Variants in ATP6V1H observed in about 807,000 individuals in gnomAD.
ATP6V1H encodes the protein V-type proton ATPase subunit H.
ATP6V1H carries 39 observed loss-of-function variants against 71.7 expected under a neutral mutation model. The observed-to-expected ratio is 0.54, with a 90% CI of 0.42 to 0.71. The LOEUF (loss-of-function observed/expected upper bound fraction) is 0.71, where lower values mean the gene tolerates loss of function less well. ATP6V1H is among the 30% of genes least tolerant of loss of function. The probability of loss-of-function intolerance (pLI) is 0.00; values close to 1 mark genes in which losing one functional copy is unlikely to be tolerated. For missense variants in ATP6V1H, 509 were observed against 594.9 expected, an observed-to-expected ratio of 0.86 and a Z score of 1.50; for synonymous variants, 192 against 199.3, an observed-to-expected ratio of 0.96 and a Z score of 0.31.
Position 53,755,501 on chromosome 8 carries a change from C to T in ATP6V1H, c.1277+1054G>A, listed in dbSNP as rs534830320. Among the ~76,000 whole-genome samples, 20 of 40,290 alleles carry T rather than the reference C, an allele frequency of 5.0e-4. No homozygotes were observed. In the East Asian group the frequency reaches 0.011, roughly 23 times the overall value. The allele number at this position is 40,290 out of a possible 152,430, so 26.4% of individuals were successfully genotyped here. A position where few individuals can be genotyped will look rare whatever the true frequency, so the allele number is the denominator to read the frequency against. ...AGCCCTTTCCCTTATGATTAGGTTA[C>T]GGGGGGTGGGGGTGGGAGTGGCGAT... On this transcript the variant is annotated intron_variant, in intron 12 of 13. Coordinates refer to ENST00000359530, the MANE Select transcript of ATP6V1H (RefSeq NM_015941.4).
chr8:53,810,722 A>G (rs115000460), intron 7 of ATP6V1H, among the ~76,000 whole-genome samples: 2,859 of 152,330 alleles, frequency 0.019, 73 homozygotes, highest in African/African-American at 0.064. Flanking sequence ...CCTGGGGGAT[A>G]GAGCTAGACT....
intron 12 of ATP6V1H, among the ~76,000 whole-genome samples, chr8:53,744,518 A>T (rs1236489738): frequency 6.6e-6 from 1 of 152,222 alleles, no homozygotes; most frequent in Non-Finnish European, 1.5e-5. Context: ...TGTCTAGTGG[A>T]GGATACCTAC....
At chr8:53,741,865 T>A (rs1807424185) in intron 13 of ATP6V1H, among the ~76,000 whole-genome samples, 3 of 152,114 alleles carry the variant, frequency 2.0e-5, no homozygotes, top group Admixed American at 6.5e-5. Context: ...TCCATCTACT[T>A]CTTATCTCAA....
intron 11 of ATP6V1H, among the ~76,000 whole-genome samples, chr8:53,768,093 G>A (rs1905061): frequency 0.16 from 24,763 of 151,996 alleles, 3,389 homozygotes; most frequent in East Asian, 0.37. Context: ...TAAGTAATAA[G>A]AAGACAATCC....
intron 2 of ATP6V1H, among the ~76,000 whole-genome samples, chr8:53,840,480 A>G (rs564746602): frequency 5.3e-5 from 8 of 151,018 alleles, no homozygotes; most frequent in African/African-American, 1.5e-4. Context: ...CCTGGGCAAC[A>G]GAGTGAGACT....
At chr8:53,751,285 T>A (rs945732179) in intron 12 of ATP6V1H, among the ~76,000 whole-genome samples, 1 of 152,230 alleles carries the variant, frequency 6.6e-6, no homozygotes, top group Non-Finnish European at 1.5e-5. Flanking sequence ...TTCTAACTCT[T>A]GCATGATCTG....
chr8:53,756,442 C>T (rs1026670883), intron 12 of ATP6V1H, 113 bp downstream of exon 12: 1 of 727,614 alleles, frequency 1.4e-6, no homozygotes, highest in Non-Finnish European at 2.2e-6. Flanking sequence ...ATCTTGATTT[C>T]ATTTGCTTTG....
rs1352652005 is a variant in ATP6V1H, at chr8:53,832,985, T to C, written c.215A>G (p.Gln72Arg). Residue 72 changes from glutamine (Q) to arginine (R), a missense_variant and splice_region_variant, in exon 3 of 14, where the codon CAG becomes CGG. Gln to Arg is a conservative substitution (Grantham distance 43). Transcript: ENST00000359530. ...CATTATATAATGTTTATTCATCACC[T>C]GGCTGCCTTCAGTTTGAAGCATCTC... is the stretch of plus-strand genomic sequence containing the variant. ...KQEMLQTEGS[Q>R]CAKTFINLMT... 1 of 1,608,104 alleles carries C rather than the reference T, an allele frequency of 6.2e-7. No individual in the cohort carries two copies. Among genetic ancestry groups the C allele is most frequent in the East Asian group, 2.2e-5 (1 of 44,820 alleles).
intron 7 of ATP6V1H, among the ~76,000 whole-genome samples, chr8:53,809,205 A>G (rs1246853216): frequency 1.3e-5 from 2 of 152,206 alleles, no homozygotes; most frequent in African/African-American, 4.8e-5. Context: ...GCGGCTAATG[A>G]TATGACCTAC....
intron 9 of ATP6V1H, among the ~76,000 whole-genome samples, chr8:53,782,831 T>C (rs1245106406): frequency 3.9e-5 from 6 of 152,278 alleles, no homozygotes; most frequent in Admixed American, 3.9e-4. Flanking sequence ...TCTGTTTATA[T>C]GCTAGATTAC....
chr8:53,775,018 C>T (rs1343871222), intron 9 of ATP6V1H, among the ~76,000 whole-genome samples: 3 of 152,216 alleles, frequency 2.0e-5, no homozygotes, highest in Non-Finnish European at 4.4e-5. Flanking sequence ...AATGAAGCCG[C>T]GGACCCTCGC....
chr8:53,755,735 T>C (rs1410325960), intron 12 of ATP6V1H, among the ~76,000 whole-genome samples: 1 of 4,418 alleles, frequency 2.3e-4, no homozygotes, highest in African/African-American at 1.4e-3. Flanking sequence ...TATATATATA[T>C]ATATATATAT....
intron 13 of ATP6V1H, among the ~76,000 whole-genome samples, chr8:53,737,733 A>C (rs1186067109): frequency 6.6e-6 from 1 of 152,248 alleles, no homozygotes; most frequent in African/African-American, 2.4e-5. Flanking sequence ...CATCTAATTC[A>C]TCTAAGAGGA....
chr8:53,742,765 T>C (rs920933647), intron 13 of ATP6V1H, among the ~76,000 whole-genome samples: 1 of 152,246 alleles, frequency 6.6e-6, no homozygotes, highest in African/African-American at 2.4e-5. Context: ...CTCATGCTAG[T>C]GCATCACTAA....
chr8:53,804,565 T>C (rs1810017827), intron 7 of ATP6V1H, among the ~76,000 whole-genome samples: 1 of 152,100 alleles, frequency 6.6e-6, no homozygotes, highest in Non-Finnish European at 1.5e-5. Context: ...TCTCAGTTAC[T>C]CAGGAGGGTC....
At chr8:53,774,272 CACAG>C (rs1432941426) in intron 9 of ATP6V1H, among the ~76,000 whole-genome samples, 2 of 152,158 alleles carry the variant, frequency 1.3e-5, no homozygotes, top group African/African-American at 4.8e-5. Context: ...GTTTATAATT[CACAG>C]ACAAACACAC....
At chr8:53,798,610 AACAC>A (rs59831761) in intron 8 of ATP6V1H, among the ~76,000 whole-genome samples, 166 of 148,540 alleles carry the variant, frequency 1.1e-3, no homozygotes, top group African/African-American at 3.1e-3. Context: ...CAATGTGAGA[AACAC>A]ACACACACAC....
chr8:53,820,558 T>A (rs867442229), intron 4 of ATP6V1H, among the ~76,000 whole-genome samples: 2 of 151,328 alleles, frequency 1.3e-5, no homozygotes, highest in Non-Finnish European at 2.9e-5. Flanking sequence ...TTCCAGCTAC[T>A]CAAGATGCTG....
intron 8 of ATP6V1H, 38 bp downstream of exon 8, chr8:53,801,761 G>T: frequency 6.7e-7 from 1 of 1,499,506 alleles, no homozygotes; most frequent in Non-Finnish European, 9.2e-7. Context: ...AGAGATGCTT[G>T]TAAATGTTAT....
Sources: gnomAD v4.1 joint callset for allele counts (sites outside exome capture counted in the v4.1 genomes callset) on GRCh38, gnomAD v4.1.1 for gene constraint, MANE v1.5 for transcripts, NCBI Gene and HGNC (gene_info 2026-07-23, HGNC 2026-07-21) for gene names.